Variants in VPS13B observed in about 807,000 individuals in gnomAD.
The protein encoded by VPS13B is intermembrane lipid transfer protein VPS13B.
In VPS13B, 285 loss-of-function variants were observed where a neutral mutation model predicts 426.4. The observed-to-expected ratio is 0.67, with a 90% CI of 0.61 to 0.74. The LOEUF is 0.74. Ranked by LOEUF, VPS13B falls within the 30% of genes least tolerant of loss-of-function variation. The probability of loss-of-function intolerance (pLI) is 0.00; values close to 1 mark genes in which losing one functional copy is unlikely to be tolerated. For missense variants in VPS13B, 4,537 were observed against 4,782.6 expected, an observed-to-expected ratio of 0.95 and a Z score of 1.51; for synonymous variants, 1,676 against 1,676.4, an observed-to-expected ratio of 1.00 and a Z score of 0.01.
At chr8:99,860,918 A>G (rs1396141108) in intron 57 of VPS13B, among the ~76,000 whole-genome samples, 1 of 152,194 alleles carries the variant, frequency 6.6e-6, no homozygotes. Context: ...TCAAAATTGC[A>G]CATATTCTCC....
chr8:99,042,803 T>A (rs1040802899), intron 3 of VPS13B, among the ~76,000 whole-genome samples: 3 of 152,154 alleles, frequency 2.0e-5, no homozygotes, highest in Non-Finnish European at 2.9e-5. Flanking sequence ...AAGAAAAAAA[T>A]TTTGGTCCTG....
intron 39 of VPS13B, among the ~76,000 whole-genome samples, chr8:99,744,503 A>G (rs1351375943): frequency 1.3e-5 from 2 of 152,324 alleles, no homozygotes; most frequent in African/African-American, 4.8e-5. Flanking sequence ...TCATGCTGCT[A>G]TAAAGACACA....
rs189000524 is a variant in VPS13B, at chr8:99,577,357, C to A, written c.5077-133C>A. On this transcript the variant is annotated intron_variant, in intron 32 of 61. Transcript: ENST00000357162. ...AGTGGCTGTGCTCACCATTTTTGCT[C>A]TTCTCCTTAATGTATGAACTTGAGT... 1.1e-5 allele frequency: 13 copies of A among 1,236,786 alleles called. No individual in the cohort carries two copies. In the Admixed American group the frequency reaches 2.3e-4, roughly 22 times the overall value. 76.6% of individuals were successfully genotyped at this position (1,236,786 alleles called of 1,614,324 possible).
At position 99,854,227 on chromosome 8, in the gene VPS13B, A is replaced by C; in HGVS notation, c.10838A>C (p.His3613Pro). ...CAGCTTGTGCACGCCCTGGCAATGC[A>C]CTATGCCGCTGGGGCCCTTTTTAGA... ...ARQLVHALAMHYAAGALFRAG... is the reference protein window; with the variant it reads ...ARQLVHALAMPYAAGALFRAG... The change falls in exon 56 of 62, where the codon CAC becomes CCC. Residue 3613 changes from histidine to proline, a missense_variant. By Grantham distance (77) the His-to-Pro change is moderately conservative. Transcript: ENST00000357162. 1 of 1,614,068 alleles carries C rather than the reference A, an allele frequency of 6.2e-7. No homozygotes were observed. Among genetic ancestry groups the C allele is most frequent in the Non-Finnish European group, 8.5e-7 (1 of 1,180,026 alleles).
chr8:99,607,130 A>G (rs914945295), intron 33 of VPS13B, among the ~76,000 whole-genome samples: 2 of 152,260 alleles, frequency 1.3e-5, no homozygotes, highest in Non-Finnish European at 2.9e-5. Flanking sequence ...GCCAAATGCA[A>G]TAAAAAGAGG....
chr8:99,717,040 G>A, intron 36 of VPS13B, 131 bp from the exon 37 acceptor site: 1 of 845,848 alleles, frequency 1.2e-6, no homozygotes. Context: ...TGAAACGGTG[G>A]TGGACTGCCA....
At chr8:99,235,750 AC>A (rs1816609241) in intron 17 of VPS13B, among the ~76,000 whole-genome samples, 1 of 152,226 alleles carries the variant, frequency 6.6e-6, no homozygotes, top group South Asian at 2.1e-4. Flanking sequence ...CACAAGTACT[AC>A]CATGTAACAC....
At chr8:99,656,828 A>G (rs1830035950) in intron 34 of VPS13B, among the ~76,000 whole-genome samples, 1 of 152,180 alleles carries the variant, frequency 6.6e-6, no homozygotes, top group Non-Finnish European at 1.5e-5. Flanking sequence ...TATCAATGTT[A>G]ATGACTACAG....
intron 44 of VPS13B, among the ~76,000 whole-genome samples, chr8:99,810,885 A>G (rs1588733642): frequency 6.6e-6 from 1 of 152,164 alleles, no homozygotes. Context: ...ACGAAGAGAC[A>G]AATGTGGGAC....
At chr8:99,563,060 G>A (rs1825014530) in intron 31 of VPS13B, among the ~76,000 whole-genome samples, 1 of 152,114 alleles carries the variant, frequency 6.6e-6, no homozygotes. Context: ...CTTCTCTTGA[G>A]GCTGAAGCAG....
At chr8:99,311,959 T>C (rs1191628219) in intron 19 of VPS13B, among the ~76,000 whole-genome samples, 1 of 152,194 alleles carries the variant, frequency 6.6e-6, no homozygotes, top group Non-Finnish European at 1.5e-5. Context: ...TCTTTGTTGG[T>C]TTAAAGTCTG....
intron 21 of VPS13B, among the ~76,000 whole-genome samples, chr8:99,394,619 T>A (rs943981441): frequency 6.6e-6 from 1 of 152,218 alleles, no homozygotes; most frequent in Non-Finnish European, 1.5e-5. Context: ...CTAAGAGCTA[T>A]GCCATTTGTT....
intron 17 of VPS13B, chr8:99,241,213 G>A (rs1450412510): frequency 6.6e-6 from 1 of 152,094 alleles, no homozygotes; most frequent in East Asian, 1.9e-4. Context: ...CATGACTTAG[G>A]TCTTTTAAAA....
In VPS13B at chr8:99,396,050, G is replaced by A. The variant is rs116866442; in HGVS notation, c.3082+4346G>A. Among the ~76,000 whole-genome samples the A allele has an allele frequency of 6.9e-3, 1,054 of 152,168 alleles. 6 individuals carry two copies. Among genetic ancestry groups the A allele is most frequent in the Non-Finnish European group, 9.9e-3 (670 of 67,994 alleles). On this transcript the variant is annotated intron_variant, in intron 21 of 61. Transcript: ENST00000357162. Reference sequence around the variant, plus strand: ...AGTGATGGAAACATGCCAAAATGAAGCACAAAGAGAATAAAGGAAAATAAA... The same window carrying A: ...AGTGATGGAAACATGCCAAAATGAAACACAAAGAGAATAAAGGAAAATAAA...
At chr8:99,455,073 TTGAG>T (rs1424409181) in intron 23 of VPS13B, among the ~76,000 whole-genome samples, 27 of 152,166 alleles carry the variant, frequency 1.8e-4, no homozygotes, top group Admixed American at 1.2e-3. Context: ...TTTTGTTCTC[TTGAG>T]TGTTTTTGTT....
chr8:99,620,986 CAAAAAAAAA>C (rs397892235), intron 33 of VPS13B, among the ~76,000 whole-genome samples: 2 of 50,842 alleles, frequency 3.9e-5, no homozygotes, highest in African/African-American at 1.6e-4. Context: ...AACTCCATCT[CAAAAAAAAA>C]AAAAAAAAAA....
chr8:99,485,364 G>A (rs1004343545), intron 25 of VPS13B, among the ~76,000 whole-genome samples: 6 of 151,952 alleles, frequency 3.9e-5, no homozygotes, highest in Admixed American at 3.9e-4. Flanking sequence ...TATTAATAAG[G>A]CAATAAAAAA....
intron 19 of VPS13B, among the ~76,000 whole-genome samples, chr8:99,365,264 C>T (rs1475520498): frequency 3.3e-5 from 5 of 150,026 alleles, no homozygotes; most frequent in Admixed American, 3.3e-4. Context: ...ATTTCAATTT[C>T]ATTTATTTCT....
chr8:99,166,563 A>G (rs1033087511), intron 15 of VPS13B, among the ~76,000 whole-genome samples: 1 of 152,224 alleles, frequency 6.6e-6, no homozygotes, highest in African/African-American at 2.4e-5. Context: ...CACAAAACAG[A>G]GCTGAAAGAA....
Sources: allele counts gnomAD v4.1 joint callset (sites outside exome capture counted in the v4.1 genomes callset), GRCh38; gene constraint gnomAD v4.1.1; transcripts MANE v1.5; gene names NCBI Gene and HGNC (gene_info 2026-07-23, HGNC 2026-07-21).